The following TTI1 variants were observed in gnomAD, a reference collection of about 807,000 sequenced individuals.
The protein encoded by TTI1 is TELO2-interacting protein 1 homolog.
In TTI1, 52 loss-of-function variants were observed where a neutral mutation model predicts 85.4. The observed-to-expected ratio is 0.61, with a 90% CI of 0.49 to 0.77. The LOEUF (loss-of-function observed/expected upper bound fraction) is 0.77. TTI1 is among the 30% of genes least tolerant of loss of function. TTI1 has a pLI of 0.00. For missense variants in TTI1, 1,173 were observed against 1,296.0 expected, an observed-to-expected ratio of 0.91 and a Z score of 1.46; for synonymous variants, 512 against 503.9, an observed-to-expected ratio of 1.02 and a Z score of -0.22.
chr20:38,029,851 T>A (rs2073883116), intron 1 of TTI1, among the ~76,000 whole-genome samples: 1 of 152,146 alleles, frequency 6.6e-6, no homozygotes, highest in Non-Finnish European at 1.5e-5. Flanking sequence ...GCTAGCACAC[T>A]CAGCCCCCTG....
chr20:37,987,384 T>C (rs972527427), intron 7 of TTI1: 2 of 456,580 alleles, frequency 4.4e-6, no homozygotes, highest in East Asian at 6.9e-5. Context: ...CATTTTGCGA[T>C]GCGCAGGGAT....
At chr20:37,987,262 C>G (rs759694526) in intron 7 of TTI1, 1 of 456,696 alleles carries the variant, frequency 2.2e-6, no homozygotes, top group South Asian at 1.5e-5. Flanking sequence ...GAGTGAACAG[C>G]TGAAAGCCAA....
chr20:38,026,573 A>G (rs1345287582), intron 1 of TTI1, among the ~76,000 whole-genome samples: 1 of 152,234 alleles, frequency 6.6e-6, no homozygotes, highest in Non-Finnish European at 1.5e-5. Context: ...CCATATACTC[A>G]GCAAAAAATG....
intron 2 of TTI1, among the ~76,000 whole-genome samples, chr20:38,006,616 CTG>C (rs1293986614): frequency 1.3e-5 from 2 of 152,236 alleles, no homozygotes. Flanking sequence ...AGGCCGTTCT[CTG>C]TGTCTGGAAT....
Position 38,006,300 on chromosome 20 carries a change from C to T in TTI1, c.2400G>A (p.Glu800=), listed in dbSNP as rs2073497992. The change falls in exon 3 of 8, where the codon GAG becomes GAA. Residue 800 remains glutamate (E), a synonymous_variant. Coordinates refer to ENST00000373447, the MANE Select transcript of TTI1 (RefSeq NM_001303457.2). ...SHLNQRPAAL[E]KSTTTAEDIE... ...TGTCTTCAGCTGTGGTGGTGCTCTT[C>T]TCAAGAGCTGCTGGTCTTTGGTTCA... 3 of 1,614,102 alleles carry T rather than the reference C, an allele frequency of 1.9e-6. No individual in the cohort carries two copies. Among genetic ancestry groups the T allele is most frequent in the Admixed American group, 3.3e-5 (2 of 60,006 alleles).
intron 7 of TTI1, among the ~76,000 whole-genome samples, chr20:37,991,848 C>T (rs774392009): frequency 6.6e-6 from 1 of 152,216 alleles, no homozygotes; most frequent in Non-Finnish European, 1.5e-5. Context: ...AGAACAGTAC[C>T]TGGAGACTCC....
rs1465311046 is a variant in TTI1 at position 37,983,338 on chromosome 20, GCTAA to G, written c.*114_*117del. 1.9e-5 allele frequency: 19 copies of G among 987,306 alleles called. No homozygotes were observed. Among genetic ancestry groups the G allele is most frequent in the East Asian group, 2.7e-5 (1 of 36,824 alleles). The allele number at this position is 987,306 out of a possible 1,614,324, so 61.2% of individuals were successfully genotyped here. On this transcript the variant is annotated 3_prime_UTR_variant, in exon 8 of 8. Coordinates refer to ENST00000373447, the MANE Select transcript of TTI1 (RefSeq NM_001303457.2). The stretch of plus-strand genomic sequence containing the variant: ...GATCGATCAATTTATAAATCGATTG[GCTAA>G]CTAATTCACCTTCTCTGCTGCCGCT...
At chr20:38,020,330 A>ATATATATATATATATATG (rs2073752050) in intron 1 of TTI1, among the ~76,000 whole-genome samples, 1 of 90,196 alleles carries the variant, frequency 1.1e-5, no homozygotes, top group Non-Finnish European at 2.3e-5. Context: ...AAAAATATAT[A>ATATATATATATATATATG]TATATATATA....
intron 1 of TTI1, among the ~76,000 whole-genome samples, chr20:38,020,801 A>G (rs1356375405): frequency 6.6e-6 from 1 of 152,210 alleles, no homozygotes; most frequent in Admixed American, 6.5e-5. Flanking sequence ...ATGAAATATC[A>G]TTACACATCC....
At chr20:37,999,104 A>C in intron 5 of TTI1, 84 bp downstream of exon 5, 1 of 1,300,584 alleles carries the variant, frequency 7.7e-7, no homozygotes, top group African/African-American at 1.5e-5. Context: ...TCGGGTGAAG[A>C]GAACCAATCC....
chr20:38,032,513 T>C (rs2073926638), intron 1 of TTI1, among the ~76,000 whole-genome samples: 1 of 152,096 alleles, frequency 6.6e-6, no homozygotes. Context: ...AAAAACAAAA[T>C]TTCTCTGCTG....
chr20:38,033,188 G>C (rs1454888366), intron 1 of TTI1, among the ~76,000 whole-genome samples: 1 of 152,148 alleles, frequency 6.6e-6, no homozygotes, highest in Non-Finnish European at 1.5e-5. Flanking sequence ...AGGGCACGTG[G>C]GTGGCTTGGA....
In TTI1 at chr20:38,012,191, G is replaced by A. The variant is rs41305809; in HGVS notation, c.1626C>T (p.His542=). Residue 542 remains histidine (H), a synonymous_variant, in exon 2 of 8, where the codon CAC becomes CAT. Transcript: ENST00000373447. Reference sequence around the variant, plus strand: ...CTGGGTTTGTTTTAATATGTTTTTCGTGAAGATCCTCAACCTCCAGCCCAG... The same window carrying A: ...CTGGGTTTGTTTTAATATGTTTTTCATGAAGATCCTCAACCTCCAGCCCAG... ...GAAGLEVEDL[H]EKHIKTNPEE... 675 of 1,614,022 alleles carry A rather than the reference G, an allele frequency of 4.2e-4. No homozygotes were observed. In the African/African-American group the frequency reaches 5.0e-3, roughly 12 times the overall value.
chr20:37,999,080 A>ATGTG, intron 5 of TTI1, 108 bp downstream of exon 5: 1 of 1,188,812 alleles, frequency 8.4e-7, no homozygotes, highest in Non-Finnish European at 1.1e-6. Context: ...TCTTCACAGT[A>ATGTG]TGTGACATTG....
intron 3 of TTI1, 91 bp from the exon 4 acceptor site, chr20:38,002,867 G>T (rs2073446183): frequency 6.4e-7 from 1 of 1,558,408 alleles, no homozygotes. Flanking sequence ...CTCAGTCTTA[G>T]GTATTTGGTT....
Position 38,013,833 on chromosome 20 carries a change from C to T in TTI1, c.-17G>A. The T allele has an allele frequency of 1.3e-6, 2 of 1,596,072 alleles. No homozygotes were observed. The highest frequency in any genetic ancestry group is 1.7e-6 in the Non-Finnish European group (2 of 1,171,890). On this transcript the variant is annotated 5_prime_UTR_variant, in exon 2 of 8. Coordinates refer to ENST00000373447, the MANE Select transcript of TTI1 (RefSeq NM_001303457.2). Reference sequence around the variant, plus strand: ...AACTGCCATTGTGCAGCAGCCTTCCCCTCATTGAGGAAACATCCTGCAGGC... The same window carrying T: ...AACTGCCATTGTGCAGCAGCCTTCCTCTCATTGAGGAAACATCCTGCAGGC...
At chr20:38,014,191 G>A (rs1297915819) in intron 1 of TTI1, among the ~76,000 whole-genome samples, 1 of 152,210 alleles carries the variant, frequency 6.6e-6, no homozygotes, top group Non-Finnish European at 1.5e-5. Context: ...ATTTTCAGGA[G>A]TTCGGATTTT....
chr20:37,984,448 C>T (rs2073164422), intron 7 of TTI1, among the ~76,000 whole-genome samples: 1 of 152,200 alleles, frequency 6.6e-6, no homozygotes, highest in African/African-American at 2.4e-5. Flanking sequence ...CAACTCTTGC[C>T]TCTTAGCTGC....
intron 1 of TTI1, among the ~76,000 whole-genome samples, chr20:38,022,583 A>G (rs1343193379): frequency 6.6e-6 from 1 of 152,204 alleles, no homozygotes; most frequent in Non-Finnish European, 1.5e-5. Context: ...GATTCTAGAT[A>G]AAACCTGCCA....
Sources: allele counts gnomAD v4.1 joint callset (sites outside exome capture counted in the v4.1 genomes callset), GRCh38; gene constraint gnomAD v4.1.1; transcripts MANE v1.5; gene names NCBI Gene and HGNC (gene_info 2026-07-23, HGNC 2026-07-21).